SMYD3: variants seen among roughly 807,000 people sequenced by gnomAD.
SMYD3 encodes SET and MYND domain containing 3.
A neutral mutation model predicts 57.7 loss-of-function variants in SMYD3; 36 were observed. That is an observed-to-expected ratio of 0.62 (90% CI 0.48 to 0.82). The LOEUF (loss-of-function observed/expected upper bound fraction) is 0.82. Among genes scored for constraint, SMYD3 ranks in the 40% least tolerant of loss-of-function variants. SMYD3 has a pLI of 0.00. For missense variants in SMYD3, 515 were observed against 538.8 expected (o/e 0.96, Z 0.44); for synonymous variants, 211 against 195.0 (o/e 1.08, Z -0.68).
intron 5 of SMYD3, among the ~76,000 whole-genome samples, chr1:246,304,115 A>T (rs1254068959): frequency 1.3e-5 from 2 of 152,206 alleles, no homozygotes; most frequent in Non-Finnish European, 2.9e-5. Context: ...CAGAGAACAA[A>T]GCATAATAAT....
intron 5 of SMYD3, among the ~76,000 whole-genome samples, chr1:246,318,697 G>GC (rs2065202281): frequency 6.6e-6 from 1 of 152,114 alleles, no homozygotes; most frequent in South Asian, 2.1e-4. Context: ...TGCATTAATG[G>GC]CAAGTTATAC....
At chr1:246,178,374 C>T (rs1487033688) in intron 5 of SMYD3, among the ~76,000 whole-genome samples, 2 of 152,134 alleles carry the variant, frequency 1.3e-5, no homozygotes, top group African/African-American at 2.4e-5. Context: ...AGGAACAATA[C>T]CACACAACAC....
At chr1:246,121,775 A>G (rs920796861) in intron 5 of SMYD3, among the ~76,000 whole-genome samples, 1 of 152,226 alleles carries the variant, frequency 6.6e-6, no homozygotes, top group Non-Finnish European at 1.5e-5. Context: ...ATGAGTAATC[A>G]GTGATGTCAT....
chr1:246,439,815 T>C (rs1436317628), intron 1 of SMYD3, among the ~76,000 whole-genome samples: 1 of 151,924 alleles, frequency 6.6e-6, no homozygotes, highest in Non-Finnish European at 1.5e-5. Flanking sequence ...CTGGGAGTGG[T>C]GGCGTGCCCC....
At chr1:246,255,889 T>C (rs1345055893) in intron 5 of SMYD3, among the ~76,000 whole-genome samples, 1 of 151,528 alleles carries the variant, frequency 6.6e-6, no homozygotes, top group African/African-American at 2.4e-5. Context: ...AGATTGTGTG[T>C]GTATTAGTCA....
At chr1:246,462,235 GCGGGGCC>G (rs2067809896) in intron 1 of SMYD3, among the ~76,000 whole-genome samples, 2 of 60,604 alleles carry the variant, frequency 3.3e-5, no homozygotes, top group Non-Finnish European at 8.5e-5. Context: ...GCATCCTCCC[GCGGGGCC>G]TGCTGGGTAC....
At chr1:246,086,506 T>G (rs1466672908) in intron 5 of SMYD3, among the ~76,000 whole-genome samples, 1 of 151,982 alleles carries the variant, frequency 6.6e-6, no homozygotes, top group Non-Finnish European at 1.5e-5. Flanking sequence ...ATTTTCTTTT[T>G]TTTTTTTTCT....
chr1:245,833,604 G>T (rs1215339027), intron 10 of SMYD3, among the ~76,000 whole-genome samples: 1 of 152,238 alleles, frequency 6.6e-6, no homozygotes, highest in Non-Finnish European at 1.5e-5. Flanking sequence ...TGATCCCTTA[G>T]TTAAGGTAGT....
intron 1 of SMYD3, among the ~76,000 whole-genome samples, chr1:246,362,884 C>G (rs1201894416): frequency 2.6e-5 from 4 of 151,968 alleles, no homozygotes; most frequent in Non-Finnish European, 5.9e-5. Context: ...CGGCCGCCAC[C>G]CCGTCTGGGA....
intron 5 of SMYD3, among the ~76,000 whole-genome samples, chr1:246,001,702 AAATGATAGTC>A (rs2059049328): frequency 6.6e-6 from 1 of 152,216 alleles, no homozygotes; most frequent in Non-Finnish European, 1.5e-5. Context: ...TTTGAACTAC[AAATGATAGTC>A]AAACAGGGGT....
intron 1 of SMYD3, among the ~76,000 whole-genome samples, chr1:246,435,413 A>G (rs539121714): frequency 1.2e-4 from 18 of 152,154 alleles, no homozygotes; most frequent in African/African-American, 3.1e-4. Flanking sequence ...CACGGATTTC[A>G]TAAGTTAACT....
intron 10 of SMYD3, among the ~76,000 whole-genome samples, chr1:245,770,187 C>A (rs2046279724): frequency 6.6e-6 from 1 of 152,322 alleles, no homozygotes. Context: ...ACTGAGGCAG[C>A]AAGATCTTGA....
intron 5 of SMYD3, among the ~76,000 whole-genome samples, chr1:246,074,725 T>C (rs937163255): frequency 2.6e-5 from 4 of 152,160 alleles, no homozygotes; most frequent in Admixed American, 6.5e-5. Context: ...AAAATCCCAG[T>C]GAGGGCCAGA....
At chr1:246,223,337 G>A (rs149496068) in intron 5 of SMYD3, among the ~76,000 whole-genome samples, 3 of 152,202 alleles carry the variant, frequency 2.0e-5, no homozygotes, top group East Asian at 1.9e-4. Context: ...ATGGTGGTAG[G>A]GGATGACAGA....
chr1:245,824,295 A>G (rs2049346261), intron 10 of SMYD3, among the ~76,000 whole-genome samples: 2 of 152,262 alleles, frequency 1.3e-5, no homozygotes, highest in Admixed American at 6.5e-5. Context: ...GTAGCTAAGT[A>G]TCTTTTCCAT....
chr1:246,476,507 A>G (rs762390469), intron 1 of SMYD3, among the ~76,000 whole-genome samples: 4 of 152,210 alleles, frequency 2.6e-5, no homozygotes, highest in Admixed American at 6.5e-5. Flanking sequence ...CACAGACTGT[A>G]TTTTAAGTAA....
At chr1:245,783,401 C>T (rs1338851158) in intron 10 of SMYD3, among the ~76,000 whole-genome samples, 1 of 152,090 alleles carries the variant, frequency 6.6e-6, no homozygotes, top group Non-Finnish European at 1.5e-5. Context: ...TGAGGGAATC[C>T]AAAGAGCACT....
chr1:246,354,994 T>C, intron 2 of SMYD3, 37 bp downstream of exon 2: 2 of 1,595,880 alleles, frequency 1.3e-6, no homozygotes, highest in Non-Finnish European at 1.7e-6. Context: ...AGTAAAGAAT[T>C]TGAAAGCTTC....
intron 5 of SMYD3, among the ~76,000 whole-genome samples, chr1:245,977,831 A>T (rs2058490177): frequency 6.6e-6 from 1 of 152,178 alleles, no homozygotes; most frequent in Admixed American, 6.5e-5. Flanking sequence ...CCATGCAGGG[A>T]ACATACTACT....
Sources: gnomAD v4.1 joint callset for allele counts (sites outside exome capture counted in the v4.1 genomes callset) on GRCh38, gnomAD v4.1.1 for gene constraint, MANE v1.5 for transcripts, NCBI Gene and HGNC (gene_info 2026-07-23, HGNC 2026-07-21) for gene names.